UBL3: variants seen among roughly 807,000 people sequenced by gnomAD.
UBL3 encodes ubiquitin like 3, also known as ubiquitin-like protein 3.
UBL3 carries 6 observed loss-of-function variants against 18.4 expected under a neutral mutation model. That is an observed-to-expected ratio of 0.33 (90% CI 0.18 to 0.64). The LOEUF (loss-of-function observed/expected upper bound fraction) is 0.64, where lower values mean the gene tolerates loss of function less well. Among genes scored for constraint, UBL3 ranks in the 30% least tolerant of loss-of-function variants. The pLI, the probability that UBL3 is intolerant of heterozygous loss-of-function variation, is 0.76. For missense variants in UBL3, 109 were observed against 142.9 expected (o/e 0.76, Z 1.21); for synonymous variants, 49 against 46.6 (o/e 1.05, Z -0.21).
chr13:29,840,018 C>T (rs1038134319), intron 1 of UBL3, among the ~76,000 whole-genome samples: 5 of 149,730 alleles, frequency 3.3e-5, no homozygotes, highest in South Asian at 4.2e-4. Flanking sequence ...TTTAAAAGTA[C>T]AGAAAATTAT....
rs1876661696 is a variant in UBL3 at position 29,765,758 on chromosome 13, G to A, written c.*1497C>T. ...GATCAGTATGAACAATATTTTCGTA[G>A]ATCTACTGCATATAAAGCCTTTTCA... On this transcript the variant is annotated 3_prime_UTR_variant, in exon 5 of 5. Transcript: ENST00000380680. 6.6e-6 allele frequency: 1 copy of A among 152,426 alleles called. No homozygotes were observed. Among genetic ancestry groups the A allele is most frequent in the Non-Finnish European group, 1.5e-5 (1 of 67,958 alleles). 9.4% of individuals were successfully genotyped at this position (152,426 alleles called of 1,614,324 possible). A position where few individuals can be genotyped will look rare whatever the true frequency, so the allele number is the denominator to read the frequency against.
rs2139374752 is a variant in UBL3 at position 29,849,579 on chromosome 13, A to G, written c.-41T>C. The G allele has an allele frequency of 2.5e-6, 4 of 1,611,748 alleles. No homozygotes were observed. The East Asian group carries it at 8.9e-5, about 36-fold the overall frequency. On this transcript the variant is annotated 5_prime_UTR_variant, in exon 1 of 5. Coordinates refer to ENST00000380680, the MANE Select transcript of UBL3 (RefSeq NM_007106.4). ...ACACCCAGATGTTTACGAAAAAAACAAACAAAGAAAAAAGAGCAGAAGTCT... is the reference window on the plus strand; with the variant it reads ...ACACCCAGATGTTTACGAAAAAAACGAACAAAGAAAAAAGAGCAGAAGTCT...
chr13:29,767,493 C>T, intron 4 of UBL3, 125 bp downstream of exon 4: 1 of 1,201,432 alleles, frequency 8.3e-7, no homozygotes, highest in South Asian at 1.5e-5. Context: ...TGGTTATTTG[C>T]TTGACAATCT....
intron 1 of UBL3, among the ~76,000 whole-genome samples, chr13:29,803,544 T>TAC (rs1877824953): frequency 6.6e-6 from 1 of 151,814 alleles, no homozygotes; most frequent in South Asian, 2.1e-4. Flanking sequence ...AGACTCATCT[T>TAC]ACACGCAATG....
Position 29,809,589 on chromosome 13 carries a change from G to A in UBL3, c.28-32326C>T, listed in dbSNP as rs562704811. On this transcript the variant is annotated intron_variant, in intron 1 of 4. Coordinates refer to ENST00000380680, the MANE Select transcript of UBL3 (RefSeq NM_007106.4). ...TCATCATGGCTGTTGTACGGATAGA[G>A]CATTCTTTCCTTAGGAACAGAAGCT... Among the ~76,000 whole-genome samples, 3 of 152,244 alleles carry A rather than the reference G, an allele frequency of 2.0e-5. No homozygotes were observed. In the South Asian group the frequency reaches 6.2e-4, roughly 32 times the overall value.
intron 1 of UBL3, among the ~76,000 whole-genome samples, chr13:29,847,514 C>A (rs1879258112): frequency 6.6e-6 from 1 of 152,192 alleles, no homozygotes; most frequent in African/African-American, 2.4e-5. Flanking sequence ...CATCAGCCTC[C>A]AAACCCTCTC....
chr13:29,796,628 G>A (rs1593659490), intron 1 of UBL3, among the ~76,000 whole-genome samples: 1 of 152,110 alleles, frequency 6.6e-6, no homozygotes, highest in Non-Finnish European at 1.5e-5. Flanking sequence ...AAGTGACACT[G>A]CCCAATAAGC....
intron 1 of UBL3, among the ~76,000 whole-genome samples, chr13:29,829,566 A>C (rs1375956670): frequency 6.6e-6 from 1 of 152,034 alleles, no homozygotes; most frequent in Non-Finnish European, 1.5e-5. Context: ...GGAGTGACCC[A>C]ATTTCCCAGG....
intron 1 of UBL3, among the ~76,000 whole-genome samples, chr13:29,820,169 CTTT>C (rs36050662): frequency 1.8e-4 from 19 of 104,968 alleles, no homozygotes; most frequent in Non-Finnish European, 1.8e-4. Context: ...CTCAGAGTTC[CTTT>C]TTTTTTTTTT....
At chr13:29,772,084 T>G in intron 3 of UBL3, 28 bp downstream of exon 3, 1 of 1,577,178 alleles carries the variant, frequency 6.3e-7, no homozygotes, top group Non-Finnish European at 8.7e-7. Flanking sequence ...AGACAGACAT[T>G]AAATCCCATT....
chr13:29,796,032 C>T (rs1328555130), intron 1 of UBL3, among the ~76,000 whole-genome samples: 1 of 151,390 alleles, frequency 6.6e-6, no homozygotes, highest in Non-Finnish European at 1.5e-5. Context: ...AATTAGAAAG[C>T]CTGAAAAGAG....
intron 1 of UBL3, among the ~76,000 whole-genome samples, chr13:29,835,083 A>AATATAAATATATATAT (rs1878884077): frequency 1.2e-5 from 1 of 86,294 alleles, no homozygotes; most frequent in African/African-American, 5.7e-5. Flanking sequence ...AAAATATATA[A>AATATAAATATATATAT]ATATAAATAT....
At position 29,765,313 on chromosome 13, in the gene UBL3, T is replaced by C. The variant is rs142414873; in HGVS notation, c.*1942A>G. ...CCAATTAAGCAACTACCAGATTCTT[T>C]AGTCAACACTAACAGAATTCACATT... On this transcript the variant is annotated 3_prime_UTR_variant, in exon 5 of 5. Transcript: ENST00000380680. 1 of 152,290 alleles carries C rather than the reference T, an allele frequency of 6.6e-6. No individual in the cohort carries two copies. The highest frequency in any genetic ancestry group is 2.4e-5 in the African/African-American group (1 of 41,586). The allele number at this position is 152,290 out of a possible 1,614,324, so 9.4% of individuals were successfully genotyped here.
At chr13:29,806,217 T>C (rs988831258) in intron 1 of UBL3, among the ~76,000 whole-genome samples, 10 of 152,068 alleles carry the variant, frequency 6.6e-5, no homozygotes, top group Non-Finnish European at 1.3e-4. Context: ...CAAAGTAGTA[T>C]CTTGTATTTC....
chr13:29,784,227 G>C lies in UBL3; in HGVS notation c.28-6964C>G, dbSNP rs565767855. On this transcript the variant is annotated intron_variant, in intron 1 of 4. Transcript: ENST00000380680. ...GTTGGTCAGGATGGAAAAAAATGAC[G>C]GGAAAGAAAGAGGGAGGATGGAAGA... 2.4e-3 allele frequency among the ~76,000 whole-genome samples: 362 copies of C among 152,200 alleles called. 1 individual carries two copies. The highest frequency in any genetic ancestry group is 3.1e-3 in the Non-Finnish European group (214 of 68,014).
chr13:29,828,426 T>C (rs9550495), intron 1 of UBL3, among the ~76,000 whole-genome samples: 1 of 152,338 alleles, frequency 6.6e-6, no homozygotes, highest in East Asian at 1.9e-4. Context: ...TTCATTCATT[T>C]GATCTTCAAT....
intron 1 of UBL3, among the ~76,000 whole-genome samples, chr13:29,835,125 A>AATATATATATATATATATATATATATAT: frequency 4.3e-5 from 1 of 23,438 alleles, no homozygotes; most frequent in Non-Finnish European, 6.8e-5. Flanking sequence ...TATATATATA[A>AATATATATATATATATATATATATATAT]ATATATATAT....
chr13:29,772,200 T>G lies in UBL3; in HGVS notation c.137-2A>C. On this transcript the variant is annotated splice_acceptor_variant, in intron 2 of 4. Transcript: ENST00000380680. LOFTEE classifies it high-confidence loss of function. ...TGCTGACCTGCTCTTCTTCCCAGTC[T>G]GAAAAGAATCCAGTGTACTGGTTAG... 1 of 1,610,630 alleles carries G rather than the reference T, an allele frequency of 6.2e-7. No individual in the cohort carries two copies. Among genetic ancestry groups the G allele is most frequent in the African/African-American group, 1.3e-5 (1 of 74,974 alleles).
intron 1 of UBL3, among the ~76,000 whole-genome samples, chr13:29,812,968 T>C (rs769898999): frequency 6.6e-6 from 1 of 152,080 alleles, no homozygotes; most frequent in Non-Finnish European, 1.5e-5. Flanking sequence ...ATTACATATG[T>C]TGTGTTCTAT....
Sources: allele counts gnomAD v4.1 joint callset (sites outside exome capture counted in the v4.1 genomes callset), GRCh38; gene constraint gnomAD v4.1.1; transcripts MANE v1.5; gene names NCBI Gene and HGNC (gene_info 2026-07-23, HGNC 2026-07-21).